The following FAM83B variants were observed in gnomAD, a reference collection of about 807,000 sequenced individuals.
FAM83B encodes the protein scaffolding CK1 anchoring protein B, also known as protein FAM83B.
In FAM83B, 26 loss-of-function variants were observed where a neutral mutation model predicts 38.8. The observed-to-expected ratio is 0.67, with a 90% confidence interval of 0.49 to 0.93. The LOEUF is 0.93. FAM83B is among the 40% of genes least tolerant of loss of function. The probability of loss-of-function intolerance (pLI) is 0.00; values close to 1 mark genes in which losing one functional copy is unlikely to be tolerated. For synonymous variants in FAM83B, 419 were observed against 423.1 expected (o/e 0.99, Z 0.12); for missense variants, 1,237 against 1,197.3 (o/e 1.03, Z -0.49).
chr6:54,874,563 C>T (rs956741037), intron 2 of FAM83B, among the ~76,000 whole-genome samples: 6 of 152,088 alleles, frequency 3.9e-5, no homozygotes, highest in Admixed American at 3.9e-4. Context: ...ACTGTGAACT[C>T]CTCTTATGAA....
rs558272095 is a variant in FAM83B, at chr6:54,929,860, T to A, written c.734+2228T>A. Among the ~76,000 whole-genome samples the A allele has an allele frequency of 2.6e-3, 397 of 152,184 alleles. 2 individuals are homozygous for A. The highest frequency in any genetic ancestry group is 8.7e-3 in the African/African-American group (363 of 41,550). ...AATCCATGAAAATATTTGCACATTT[T>A]AAAAAAATCAAATATTACTAAAATA... On this transcript the variant is annotated intron_variant, in intron 4 of 4. Transcript: ENST00000306858.
intron 2 of FAM83B, among the ~76,000 whole-genome samples, chr6:54,880,999 T>C (rs1050875388): frequency 6.6e-5 from 10 of 152,194 alleles, no homozygotes; most frequent in Admixed American, 3.3e-4. Flanking sequence ...ATATGTTGTA[T>C]AATATTTTTA....
Position 54,942,027 on chromosome 6 carries a change from A to G in FAM83B, c.*20A>G. On this transcript the variant is annotated 3_prime_UTR_variant, in exon 5 of 5. Transcript: ENST00000306858. ...AAATAGCTATTAAAATGCAAAATGA[A>G]TGAGGCTATCAATATTTGTCCAAAG... 1 of 1,575,378 alleles carries G rather than the reference A, an allele frequency of 6.3e-7. No individual in the cohort carries two copies. Among genetic ancestry groups the G allele is most frequent in the South Asian group, 1.2e-5 (1 of 83,616 alleles).
chr6:54,896,443 T>G (rs1476475355), intron 2 of FAM83B, among the ~76,000 whole-genome samples: 1 of 152,198 alleles, frequency 6.6e-6, no homozygotes. Flanking sequence ...ACCCTTGTTT[T>G]ATACATAATT....
chr6:54,890,964 A>G (rs1772388720), intron 2 of FAM83B, among the ~76,000 whole-genome samples: 1 of 151,964 alleles, frequency 6.6e-6, no homozygotes, highest in East Asian at 1.9e-4. Context: ...GAAAAAAAAA[A>G]ATAAAGTTGT....
At chr6:54,877,077 G>A (rs1438192819) in intron 2 of FAM83B, among the ~76,000 whole-genome samples, 1 of 152,108 alleles carries the variant, frequency 6.6e-6, no homozygotes, top group Admixed American at 6.5e-5. Context: ...CAGAGGGGTA[G>A]AAATTAGCAG....
At chr6:54,915,488 C>G (rs74726019) in intron 2 of FAM83B, among the ~76,000 whole-genome samples, 9,043 of 152,040 alleles carry the variant, frequency 0.059, 912 homozygotes, top group African/African-American at 0.2. Flanking sequence ...CTGAAAACCC[C>G]TAACTCCTCT....
intron 2 of FAM83B, among the ~76,000 whole-genome samples, chr6:54,871,680 T>C (rs1289404366): frequency 7.2e-6 from 1 of 138,332 alleles, no homozygotes; most frequent in Non-Finnish European, 1.5e-5. Context: ...GAGGTGGAGG[T>C]TGCAGTGAAC....
Position 54,927,638 on chromosome 6 carries a change from A to T in FAM83B, c.734+6A>T. The T allele has an allele frequency of 6.4e-7, 1 of 1,571,918 alleles. No individual in the cohort carries two copies. Among genetic ancestry groups the T allele is most frequent in the Non-Finnish European group, 8.6e-7 (1 of 1,156,706 alleles). On this transcript the variant is annotated splice_donor_region_variant and intron_variant, in intron 4 of 4. Coordinates refer to ENST00000306858, the MANE Select transcript of FAM83B (RefSeq NM_001010872.3). ...GTGATGTACGGTTCTTACAGGTAAG[A>T]TCATTGTGTTTAACTTCAGTGTTAT...
intron 1 of FAM83B, among the ~76,000 whole-genome samples, chr6:54,855,199 T>A (rs1370191278): frequency 6.6e-6 from 1 of 152,180 alleles, no homozygotes; most frequent in Non-Finnish European, 1.5e-5. Flanking sequence ...CCATGTACAG[T>A]AAAATGAAAT....
At chr6:54,891,973 G>A (rs956165109) in intron 2 of FAM83B, among the ~76,000 whole-genome samples, 1 of 151,990 alleles carries the variant, frequency 6.6e-6, no homozygotes, top group Non-Finnish European at 1.5e-5. Flanking sequence ...ACTGGGTCTT[G>A]GAAATTGCCA....
intron 1 of FAM83B, among the ~76,000 whole-genome samples, chr6:54,848,226 A>G (rs1771188092): frequency 6.6e-6 from 1 of 152,142 alleles, no homozygotes; most frequent in African/African-American, 2.4e-5. Context: ...GTCTTCCTAT[A>G]GTTCCCAGAA....
intron 2 of FAM83B, among the ~76,000 whole-genome samples, chr6:54,906,446 A>G (rs1772778275): frequency 6.6e-6 from 1 of 152,130 alleles, no homozygotes; most frequent in Non-Finnish European, 1.5e-5. Context: ...GTACGATGGC[A>G]TGAGCTCGGC....
intron 1 of FAM83B, among the ~76,000 whole-genome samples, chr6:54,863,562 C>G (rs1303343954): frequency 7.4e-5 from 3 of 40,288 alleles, no homozygotes; most frequent in African/African-American, 3.0e-4. Context: ...TGTGACTTCT[C>G]CACTTCATAT....
At chr6:54,860,919 T>C (rs995421769) in intron 1 of FAM83B, among the ~76,000 whole-genome samples, 10 of 152,190 alleles carry the variant, frequency 6.6e-5, no homozygotes, top group African/African-American at 2.4e-4. Flanking sequence ...CCCTGAGCGC[T>C]GACTCATTGC....
intron 2 of FAM83B, among the ~76,000 whole-genome samples, chr6:54,885,941 C>A (rs1291340552): frequency 6.8e-6 from 1 of 147,234 alleles, no homozygotes; most frequent in Non-Finnish European, 1.5e-5. Context: ...ACGTTGTGCA[C>A]ATGTACCCTA....
At chr6:54,934,860 T>G (rs989830937) in intron 4 of FAM83B, among the ~76,000 whole-genome samples, 4 of 152,172 alleles carry the variant, frequency 2.6e-5, no homozygotes, top group African/African-American at 9.6e-5. Flanking sequence ...TTTGATCCGA[T>G]GTTGAATTCA....
chr6:54,923,154 G>A (rs757015275), intron 2 of FAM83B, among the ~76,000 whole-genome samples: 3 of 151,988 alleles, frequency 2.0e-5, no homozygotes, highest in East Asian at 1.9e-4. Context: ...AATATAAGGC[G>A]TGATGTTTTC....
rs776118278 is a variant in FAM83B, at chr6:54,927,569, A to G, written c.671A>G (p.His224Arg). 4.4e-6 allele frequency: 7 copies of G among 1,609,142 alleles called. No individual in the cohort carries two copies. Among genetic ancestry groups the G allele is most frequent in the Non-Finnish European group, 4.2e-6 (5 of 1,177,034 alleles). The part of the protein sequence containing the change: ...DYLSKTGAKF[H>R]GKMEQKFLLV... ...CTTTCAAAAACAGGGGCAAAATTCC[A>G]TGGAAAAATGGAACAGAAATTTTTG... Residue 224 changes from histidine to arginine, a missense_variant, in exon 4 of 5, where the codon CAT (histidine) becomes CGT (arginine). Coordinates refer to ENST00000306858, the MANE Select transcript of FAM83B (RefSeq NM_001010872.3).
Sources: gnomAD v4.1 joint callset for allele counts (sites outside exome capture counted in the v4.1 genomes callset) on GRCh38, gnomAD v4.1.1 for gene constraint, MANE v1.5 for transcripts, NCBI Gene and HGNC (gene_info 2026-07-23, HGNC 2026-07-21) for gene names.